Variants in PTPRT observed in about 807,000 individuals in gnomAD.
PTPRT encodes the protein receptor-type tyrosine-protein phosphatase T.
Under a neutral mutation model 176.8 loss-of-function variants are expected in PTPRT, and 56 were observed. That is an observed-to-expected ratio of 0.32 (90% confidence interval 0.26 to 0.40). PTPRT has a LOEUF of 0.40. Ranked by LOEUF, PTPRT falls within the 10% of genes least tolerant of loss-of-function variation. The pLI is 1.00. For missense variants in PTPRT, 1,540 were observed against 1,908.2 expected, an observed-to-expected ratio of 0.81 and a Z score of 3.60; for synonymous variants, 783 against 739.0, an observed-to-expected ratio of 1.06 and a Z score of -0.96.
intron 2 of PTPRT, among the ~76,000 whole-genome samples, chr20:42,815,951 CT>C (rs966574146): frequency 1.3e-4 from 19 of 151,868 alleles, no homozygotes; most frequent in Non-Finnish European, 2.1e-4. Context: ...GAACAGAAAA[CT>C]TTTTTTTTCT....
intron 14 of PTPRT, among the ~76,000 whole-genome samples, chr20:42,236,682 C>T (rs2056250563): frequency 6.6e-6 from 1 of 151,232 alleles, no homozygotes; most frequent in Non-Finnish European, 1.5e-5. Flanking sequence ...ACCACTCTTC[C>T]CTATGATAAT....
chr20:42,723,376 C>T (rs2146238862), intron 6 of PTPRT, among the ~76,000 whole-genome samples: 1 of 152,272 alleles, frequency 6.6e-6, no homozygotes, highest in African/African-American at 2.4e-5. Flanking sequence ...GCCGGATGTC[C>T]CATTCGAAGC....
At chr20:43,037,102 T>C (rs1478107200) in intron 1 of PTPRT, among the ~76,000 whole-genome samples, 1 of 152,220 alleles carries the variant, frequency 6.6e-6, no homozygotes, top group African/African-American at 2.4e-5. Context: ...TCTGCAAATA[T>C]TCATTGATCA....
intron 7 of PTPRT, among the ~76,000 whole-genome samples, chr20:42,520,802 C>CATAT (rs58797064): frequency 0.024 from 3,416 of 141,672 alleles, 53 homozygotes; most frequent in African/African-American, 0.033. Flanking sequence ...CTTGGAAAGA[C>CATAT]ATATATATAT....
chr20:42,098,182 C>A (rs1175168794), intron 27 of PTPRT, among the ~76,000 whole-genome samples: 1 of 152,014 alleles, frequency 6.6e-6, no homozygotes, highest in South Asian at 2.1e-4. Context: ...GAGTCTGGTC[C>A]CGGGCGGGGA....
intron 2 of PTPRT, among the ~76,000 whole-genome samples, chr20:42,819,975 T>C (rs2077861977): frequency 6.6e-6 from 1 of 152,190 alleles, no homozygotes; most frequent in South Asian, 2.1e-4. Context: ...ATTGGGAGAC[T>C]TTAATACCTC....
At chr20:42,292,440 C>A (rs765896576) in intron 12 of PTPRT, among the ~76,000 whole-genome samples, 1 of 151,950 alleles carries the variant, frequency 6.6e-6, no homozygotes, top group Non-Finnish European at 1.5e-5. Flanking sequence ...TCCAGTGATT[C>A]TCTTGTCTCA....
intron 15 of PTPRT, among the ~76,000 whole-genome samples, chr20:42,220,000 C>T (rs1000728033): frequency 6.6e-6 from 1 of 151,848 alleles, no homozygotes; most frequent in African/African-American, 2.4e-5. Context: ...ATTATTTCCC[C>T]ATCTGAGATA....
At chr20:42,967,238 T>A (rs144796088) in intron 1 of PTPRT, among the ~76,000 whole-genome samples, 84 of 152,296 alleles carry the variant, frequency 5.5e-4, no homozygotes, top group African/African-American at 1.8e-3. Flanking sequence ...CTTGAACGTG[T>A]GAATCTGACC....
At chr20:42,847,124 C>T (rs1343594109) in intron 2 of PTPRT, among the ~76,000 whole-genome samples, 1 of 152,160 alleles carries the variant, frequency 6.6e-6, no homozygotes, top group East Asian at 1.9e-4. Context: ...TGAGGAGAAT[C>T]CAAGGCAAGT....
At chr20:42,258,241 C>T (rs2056683951) in intron 13 of PTPRT, among the ~76,000 whole-genome samples, 1 of 152,186 alleles carries the variant, frequency 6.6e-6, no homozygotes, top group South Asian at 2.1e-4. Flanking sequence ...AGATTATCTC[C>T]TCTCATGCCC....
intron 1 of PTPRT, among the ~76,000 whole-genome samples, chr20:43,020,238 TA>T (rs949887379): frequency 6.8e-6 from 1 of 147,684 alleles, no homozygotes; most frequent in African/African-American, 2.5e-5. Context: ...TATATATATA[TA>T]TTTATGTTAT....
intron 12 of PTPRT, among the ~76,000 whole-genome samples, chr20:42,303,591 T>C (rs776117849): frequency 6.6e-6 from 1 of 152,202 alleles, no homozygotes; most frequent in Non-Finnish European, 1.5e-5. Context: ...CAGCAAATCA[T>C]AGCCTCTCAC....
intron 9 of PTPRT, among the ~76,000 whole-genome samples, chr20:42,411,192 C>T (rs759660674): frequency 6.6e-6 from 1 of 152,098 alleles, no homozygotes; most frequent in Non-Finnish European, 1.5e-5. Context: ...TGCTTGTAAT[C>T]CCAGCACTTT....
At chr20:42,107,360 G>C (rs1188977582) in intron 23 of PTPRT, among the ~76,000 whole-genome samples, 5 of 152,206 alleles carry the variant, frequency 3.3e-5, no homozygotes, top group Non-Finnish European at 5.9e-5. Flanking sequence ...GGTTGGTGGA[G>C]CACCACGTTC....
Position 43,156,629 on chromosome 20 carries a change from T to C in PTPRT, c.88+33017A>G, listed in dbSNP as rs79472435. 7.6e-3 allele frequency among the ~76,000 whole-genome samples: 1,152 copies of C among 152,272 alleles called. 14 individuals are homozygous for C. The highest frequency in any genetic ancestry group is 0.038 in the South Asian group (182 of 4,818). On this transcript the variant is annotated intron_variant, in intron 1 of 30. Coordinates refer to ENST00000373187, the MANE Select transcript of PTPRT (RefSeq NM_007050.6). ...TAAAATTTCCTGCCATGGTTTACAATGGACAAAGAGAGTGAATGGTTGGAT... is the reference window on the plus strand; with the variant it reads ...TAAAATTTCCTGCCATGGTTTACAACGGACAAAGAGAGTGAATGGTTGGAT...
chr20:42,707,222 A>G (rs1171707633), intron 6 of PTPRT, among the ~76,000 whole-genome samples: 1 of 152,104 alleles, frequency 6.6e-6, no homozygotes, highest in Non-Finnish European at 1.5e-5. Context: ...TTGTTGTAGC[A>G]GCCCTAGGAA....
At chr20:43,146,081 G>A (rs2014158128) in intron 1 of PTPRT, among the ~76,000 whole-genome samples, 1 of 152,194 alleles carries the variant, frequency 6.6e-6, no homozygotes, top group African/African-American at 2.4e-5. Context: ...CTCAGCGAAT[G>A]AGCATATATT....
intron 1 of PTPRT, among the ~76,000 whole-genome samples, chr20:43,043,168 C>A (rs1043931165): frequency 6.6e-6 from 1 of 152,140 alleles, no homozygotes; most frequent in Non-Finnish European, 1.5e-5. Context: ...ACCTGGTCCC[C>A]TGCAAGTTGA....
Sources: allele counts gnomAD v4.1 joint callset (sites outside exome capture counted in the v4.1 genomes callset), GRCh38; gene constraint gnomAD v4.1.1; transcripts MANE v1.5; gene names NCBI Gene and HGNC (gene_info 2026-07-23, HGNC 2026-07-21).